ADAMTSL1: variants seen among roughly 807,000 people sequenced by gnomAD.
The protein encoded by ADAMTSL1 is ADAMTS-like protein 1.
Under a neutral mutation model 201.8 loss-of-function variants are expected in ADAMTSL1, and 126 were observed. The ratio of observed to expected loss-of-function variants is 0.62; its 90% confidence interval spans 0.54 to 0.72. ADAMTSL1 has a LOEUF of 0.72. ADAMTSL1 is among the 30% of genes least tolerant of loss of function. The pLI, the probability that ADAMTSL1 is intolerant of heterozygous loss-of-function variation, is 0.00. For missense variants in ADAMTSL1, 2,679 were observed against 2,277.8 expected, an observed-to-expected ratio of 1.18 and a Z score of -3.59; for synonymous variants, 1,121 against 903.4, an observed-to-expected ratio of 1.24 and a Z score of -4.32.
chr9:18,718,558 C>T (rs987533169), intron 14 of ADAMTSL1: 1 of 474,414 alleles, frequency 2.1e-6, no homozygotes, highest in Non-Finnish European at 4.2e-6. Flanking sequence ...TAGTACCTCT[C>T]ACGCTGTCAC....
chr9:18,578,083 C>A (rs766262003), intron 4 of ADAMTSL1, among the ~76,000 whole-genome samples: 2 of 151,760 alleles, frequency 1.3e-5, no homozygotes, highest in African/African-American at 2.4e-5. Context: ...CTAGTCCAGC[C>A]CCAGCAAATC....
intron 9 of ADAMTSL1, among the ~76,000 whole-genome samples, chr9:18,674,627 G>T (rs1830032471): frequency 6.6e-6 from 1 of 151,646 alleles, no homozygotes; most frequent in Non-Finnish European, 1.5e-5. Flanking sequence ...GGGTAAAAAT[G>T]GAAGTATTTA....
chr9:18,249,850 T>C (rs897812014), intron 2 of ADAMTSL1, among the ~76,000 whole-genome samples: 1 of 152,186 alleles, frequency 6.6e-6, no homozygotes, highest in Admixed American at 6.5e-5. Context: ...TGGACTGTTA[T>C]TGACTAGGGT....
At chr9:18,344,995 T>A (rs1586932245) in intron 2 of ADAMTSL1, among the ~76,000 whole-genome samples, 1 of 152,120 alleles carries the variant, frequency 6.6e-6, no homozygotes, top group African/African-American at 2.4e-5. Flanking sequence ...AAAGGCATGG[T>A]CCTGGCTTCC....
chr9:18,121,644 T>C (rs1184717398), intron 1 of ADAMTSL1, among the ~76,000 whole-genome samples: 1 of 152,226 alleles, frequency 6.6e-6, no homozygotes, highest in African/African-American at 2.4e-5. Context: ...GACTTATTCC[T>C]TACTAGTCTT....
intron 16 of ADAMTSL1, 35 bp downstream of exon 16, chr9:18,753,543 G>T: frequency 6.3e-7 from 1 of 1,577,618 alleles, no homozygotes. Flanking sequence ...TGGAGCTTTT[G>T]TTTGCAACAG....
chr9:17,981,620 AG>A (rs1166059534), intron 1 of ADAMTSL1, among the ~76,000 whole-genome samples: 1 of 152,210 alleles, frequency 6.6e-6, no homozygotes, highest in East Asian at 1.9e-4. Flanking sequence ...TTCTTCTGCC[AG>A]GCACCTGAGG....
intron 2 of ADAMTSL1, among the ~76,000 whole-genome samples, chr9:18,317,002 AT>A (rs755822883): frequency 1.3e-5 from 2 of 152,220 alleles, no homozygotes; most frequent in African/African-American, 2.4e-5. Flanking sequence ...GGATGAGTGG[AT>A]AGGAAATTGT....
chr9:18,882,011 G>C (rs575067888), intron 23 of ADAMTSL1, among the ~76,000 whole-genome samples: 1 of 152,154 alleles, frequency 6.6e-6, no homozygotes, highest in Non-Finnish European at 1.5e-5. Flanking sequence ...GGAGGAGGGA[G>C]GAATTTGGAT....
chr9:18,874,568 T>C (rs1350940454), intron 23 of ADAMTSL1, among the ~76,000 whole-genome samples: 1 of 152,172 alleles, frequency 6.6e-6, no homozygotes, highest in Non-Finnish European at 1.5e-5. Context: ...ATTTATGTGA[T>C]GTATCACATT....
At chr9:18,212,554 A>G (rs1345588814) in intron 2 of ADAMTSL1, among the ~76,000 whole-genome samples, 1 of 152,198 alleles carries the variant, frequency 6.6e-6, no homozygotes, top group African/African-American at 2.4e-5. Context: ...GCTGAAGTGT[A>G]GTTTTAAAAG....
At chr9:18,583,982 A>C (rs1352553224) in intron 4 of ADAMTSL1, among the ~76,000 whole-genome samples, 1 of 152,236 alleles carries the variant, frequency 6.6e-6, no homozygotes, top group African/African-American at 2.4e-5. Context: ...GCTTTGTCTC[A>C]GATGAGACGA....
intron 19 of ADAMTSL1, 136 bp downstream of exon 19, chr9:18,778,042 TGCAGG>T: frequency 1.8e-6 from 2 of 1,104,590 alleles, no homozygotes; most frequent in Non-Finnish European, 2.5e-6. Context: ...CATCATGGGG[TGCAGG>T]CCCTCTCTTA....
At chr9:18,311,509 A>G (rs1220636067) in intron 2 of ADAMTSL1, among the ~76,000 whole-genome samples, 2 of 152,112 alleles carry the variant, frequency 1.3e-5, no homozygotes, top group Non-Finnish European at 2.9e-5. Flanking sequence ...AGCAGAGTCA[A>G]CCTGGCTCCA....
rs186807127 is a variant in ADAMTSL1 at position 18,073,358 on chromosome 9, C to T, written c.88-90504C>T. ...ACTAGTTTTGTGCTTTCTACTTGATCGCATGGACTCCTGCAAAGAGCTGCT... is the reference window on the plus strand; with the variant it reads ...ACTAGTTTTGTGCTTTCTACTTGATTGCATGGACTCCTGCAAAGAGCTGCT... On this transcript the variant is annotated intron_variant, in intron 1 of 29. Coordinates refer to the ADAMTSL1 transcript ENST00000680146. 1.9e-3 allele frequency among the ~76,000 whole-genome samples: 282 copies of T among 152,282 alleles called. 2 individuals are homozygous for T. The highest frequency in any genetic ancestry group is 6.4e-3 in the African/African-American group (265 of 41,540).
At chr9:18,687,577 G>A (rs144618821) in intron 13 of ADAMTSL1, among the ~76,000 whole-genome samples, 64 of 152,274 alleles carry the variant, frequency 4.2e-4, no homozygotes, top group Non-Finnish European at 6.2e-4. Flanking sequence ...ATTTATTTCC[G>A]TATATGGAAA....
At position 18,905,839 on chromosome 9, in the gene ADAMTSL1, C is replaced by A; in HGVS notation, c.4909C>A (p.Gln1637Lys). 6.2e-7 allele frequency: 1 copy of A among 1,613,650 alleles called. No individual in the cohort carries two copies. Among genetic ancestry groups the A allele is most frequent in the Non-Finnish European group, 8.5e-7 (1 of 1,179,792 alleles). Reference sequence around the variant, plus strand: ...TGTGCAACACAGACAAGTCTTCTGCCAGACACGGGATGGCATCACCTTACC... The same window carrying A: ...TGTGCAACACAGACAAGTCTTCTGCAAGACACGGGATGGCATCACCTTACC... The part of the protein sequence containing the change: ...LAVQHRQVFC[Q>K]TRDGITLPSE... Residue 1637 changes from glutamine (Q) to lysine (K), a missense_variant, in exon 27 of 29, where the codon CAG becomes AAG. Coordinates refer to ENST00000380548, the MANE Select transcript of ADAMTSL1 (RefSeq NM_001040272.6).
chr9:18,501,518 A>G (rs1263020078), intron 1 of ADAMTSL1, among the ~76,000 whole-genome samples: 3 of 151,834 alleles, frequency 2.0e-5, no homozygotes, highest in Non-Finnish European at 4.4e-5. Flanking sequence ...AAAAAAAAAA[A>G]AAAAAAGTAA....
At chr9:18,745,682 T>A (rs1231449062) in intron 15 of ADAMTSL1, among the ~76,000 whole-genome samples, 2 of 152,342 alleles carry the variant, frequency 1.3e-5, no homozygotes, top group Middle Eastern at 3.4e-3. Flanking sequence ...ATATACTCAT[T>A]TATATCTGTT....
Sources: allele counts gnomAD v4.1 joint callset (sites outside exome capture counted in the v4.1 genomes callset), GRCh38; gene constraint gnomAD v4.1.1; transcripts MANE v1.5; gene names NCBI Gene and HGNC (gene_info 2026-07-23, HGNC 2026-07-21).